SLC30A4: variants seen among roughly 807,000 people sequenced by gnomAD.
The protein encoded by SLC30A4 is solute carrier family 30 member 4.
SLC30A4 carries 20 observed loss-of-function variants against 41.7 expected under a neutral mutation model. The observed-to-expected ratio is 0.48, with a 90% CI of 0.34 to 0.70. SLC30A4 has a LOEUF of 0.70. SLC30A4 is among the 30% of genes least tolerant of loss of function. The pLI is 0.01. For synonymous variants in SLC30A4, 181 were observed against 195.9 expected, an observed-to-expected ratio of 0.92 and a Z score of 0.64; for missense variants, 441 against 529.3, an observed-to-expected ratio of 0.83 and a Z score of 1.64.
At chr15:45,495,004 T>C (rs1367222333) in intron 3 of SLC30A4, among the ~76,000 whole-genome samples, 2 of 151,958 alleles carry the variant, frequency 1.3e-5, no homozygotes, top group Admixed American at 6.6e-5. Context: ...CCCCCCAAAA[T>C]TGGCCAAGTG....
Position 45,493,210 on chromosome 15 carries a change from T to A in SLC30A4, c.539-2329A>T, listed in dbSNP as rs1446439165. Among the ~76,000 whole-genome samples the A allele has an allele frequency of 4.6e-5, 7 of 152,118 alleles. No homozygotes were observed. In the South Asian group the frequency reaches 1.5e-3, roughly 32 times the overall value. On this transcript the variant is annotated intron_variant, in intron 3 of 7. Coordinates refer to ENST00000261867, the MANE Select transcript of SLC30A4 (RefSeq NM_013309.6). ...TCGCTTGAACTCAGGAGGAGGAGGT[T>A]GCAGTGAGCCAAGATCACACCACTG...
rs555131739 is a variant in SLC30A4, at chr15:45,484,415, T to C, written c.*748A>G. The C allele has an allele frequency of 1.3e-5, 2 of 152,322 alleles. No individual in the cohort carries two copies. The highest frequency in any genetic ancestry group is 4.1e-4 in the South Asian group (2 of 4,826). The allele number at this position is 152,322 out of a possible 1,614,324, so 9.4% of individuals were successfully genotyped here. ...TAAATCATCATATAGTAATTTGAGT[T>C]TAAGACTAACTTCAGCCATTCAGAA... On this transcript the variant is annotated 3_prime_UTR_variant, in exon 8 of 8. Transcript: ENST00000261867.
At chr15:45,486,330 T>G (rs1481376002) in intron 7 of SLC30A4, among the ~76,000 whole-genome samples, 2 of 152,160 alleles carry the variant, frequency 1.3e-5, no homozygotes, top group Non-Finnish European at 2.9e-5. Flanking sequence ...TCAGGAAATA[T>G]TCTTAATACC....
At position 45,522,179 on chromosome 15, in the gene SLC30A4, T is replaced by A. The variant is rs764649654; in HGVS notation, c.176A>T (p.Glu59Val). ...CGGGTGCGCCCCGTTAACAGGCCTT[T>A]CCGGGGCTTCGGAACCGTCATCGGC... ...VVADDGSEAP[E>V]RPVNGAHPTL... is the part of the protein sequence containing the mutation. Residue 59 changes from glutamate to valine, a missense_variant, in exon 2 of 8, where the codon GAA becomes GTA. Glu to Val is a moderately radical substitution (Grantham distance 121, BLOSUM62 -2). Around this residue, in one of 3 missense-constraint regions of SLC30A4, gnomAD observed 312 missense variants for 341.9 expected, o/e 0.91. Coordinates refer to ENST00000261867, the MANE Select transcript of SLC30A4 (RefSeq NM_013309.6). The A allele has an allele frequency of 1.9e-6, 3 of 1,614,096 alleles. No individual in the cohort carries two copies. The East Asian group carries it at 6.7e-5, about 36-fold the overall frequency.
At chr15:45,499,717 G>A (rs1002913280) in intron 3 of SLC30A4, among the ~76,000 whole-genome samples, 1 of 152,074 alleles carries the variant, frequency 6.6e-6, no homozygotes, top group African/African-American at 2.4e-5. Flanking sequence ...TTACCTTCCA[G>A]AATAAGATAG....
At chr15:45,490,619 A>G (rs1050577319) in intron 4 of SLC30A4, 109 bp downstream of exon 4, 11 of 671,192 alleles carry the variant, frequency 1.6e-5, no homozygotes, top group Non-Finnish European at 2.2e-5. Context: ...TTAATGAGTT[A>G]TATCATTTTT....
Position 45,487,514 on chromosome 15 carries a change from A to G in SLC30A4, c.1000+13T>C. 8.5e-7 allele frequency: 1 copy of G among 1,183,178 alleles called. No homozygotes were observed. The highest frequency in any genetic ancestry group is 1.3e-6 in the Non-Finnish European group (1 of 789,614). The allele number at this position is 1,183,178 out of a possible 1,614,324, so 73.3% of individuals were successfully genotyped here. A position where few individuals can be genotyped will look rare whatever the true frequency, so the allele number is the denominator to read the frequency against. ...AGTAATAAACTCATAATGAGGATAT[A>G]GTGAGATCTTACCTTCTAGTATTAT... On this transcript the variant is annotated intron_variant, in intron 6 of 7. Transcript: ENST00000261867.
intron 3 of SLC30A4, among the ~76,000 whole-genome samples, chr15:45,504,406 A>C (rs1268494875): frequency 6.6e-6 from 1 of 152,244 alleles, no homozygotes; most frequent in African/African-American, 2.4e-5. Flanking sequence ...AGAGACGGAC[A>C]AGAACTCCTC....
At chr15:45,488,574 A>AAAAT (rs139550846) in intron 5 of SLC30A4, among the ~76,000 whole-genome samples, 7,050 of 151,826 alleles carry the variant, frequency 0.046, 552 homozygotes, top group African/African-American at 0.16. Flanking sequence ...CTCTGTCTCA[A>AAAAT]AAATAAATAA....
Position 45,510,872 on chromosome 15 carries a change from A to G in SLC30A4, c.538+266T>C, listed in dbSNP as rs191761875. 1.4e-3 allele frequency among the ~76,000 whole-genome samples: 210 copies of G among 152,368 alleles called. 5 individuals carry two copies. The highest frequency in any genetic ancestry group is 1.1e-3 in the Non-Finnish European group (75 of 68,046). ...TTGCTTTGTTCAATAAACTGAAAGT[A>G]AACTTTTTTCTGATGATATCTTCAG... On this transcript the variant is annotated intron_variant, in intron 3 of 7. Coordinates refer to ENST00000261867, the MANE Select transcript of SLC30A4 (RefSeq NM_013309.6).
intron 5 of SLC30A4, among the ~76,000 whole-genome samples, chr15:45,488,582 TAAATA>T (rs1255391397): frequency 1.3e-5 from 2 of 151,658 alleles, no homozygotes; most frequent in Non-Finnish European, 2.9e-5. Flanking sequence ...CAAAAATAAA[TAAATA>T]AATAAATAAA....
At chr15:45,516,904 G>A (rs1234699875) in intron 2 of SLC30A4, among the ~76,000 whole-genome samples, 5 of 151,948 alleles carry the variant, frequency 3.3e-5, no homozygotes, top group African/African-American at 7.3e-5. Flanking sequence ...GTGACAGAGC[G>A]AGACTCCATT....
At chr15:45,519,508 G>A (rs1566884156) in intron 2 of SLC30A4, 2 of 152,084 alleles carry the variant, frequency 1.3e-5, no homozygotes, top group Admixed American at 6.6e-5. Context: ...ATTTATAAGC[G>A]CTTTGGACAC....
chr15:45,500,691 A>AT (rs1260746813), intron 3 of SLC30A4, among the ~76,000 whole-genome samples: 3 of 149,488 alleles, frequency 2.0e-5, no homozygotes, highest in Non-Finnish European at 4.5e-5. Context: ...TTATTTTTTT[A>AT]TTTTTTTTGA....
Position 45,484,219 on chromosome 15 carries a change from C to T in SLC30A4, c.*944G>A, listed in dbSNP as rs1267804384. ...GACCTGGAGTGGAGGCAGGAACCAA[C>T]GTACCACATTTTTTGTACAAATTGT... On this transcript the variant is annotated 3_prime_UTR_variant, in exon 8 of 8. Transcript: ENST00000261867. 3 of 152,406 alleles carry T rather than the reference C, an allele frequency of 2.0e-5. No homozygotes were observed. Among genetic ancestry groups the T allele is most frequent in the Non-Finnish European group, 2.9e-5 (2 of 68,030 alleles). 9.4% of individuals were successfully genotyped at this position (152,406 alleles called of 1,614,324 possible). A position where few individuals can be genotyped will look rare whatever the true frequency, so the allele number is the denominator to read the frequency against.
chr15:45,516,536 A>C (rs1303680646), intron 2 of SLC30A4, among the ~76,000 whole-genome samples: 4 of 151,140 alleles, frequency 2.6e-5, no homozygotes, highest in Non-Finnish European at 5.9e-5. Flanking sequence ...AGTTTTCCTC[A>C]TATGTGTGAA....
intron 3 of SLC30A4, among the ~76,000 whole-genome samples, chr15:45,499,106 G>A (rs1041756539): frequency 9.9e-5 from 14 of 141,480 alleles, no homozygotes; most frequent in Non-Finnish European, 1.5e-4. Context: ...TTTTTGAGAC[G>A]GAGTCTCACT....
intron 3 of SLC30A4, among the ~76,000 whole-genome samples, chr15:45,492,724 A>G (rs1029450622): frequency 3.3e-5 from 5 of 152,110 alleles, no homozygotes; most frequent in Admixed American, 3.3e-4. Context: ...TGTATGATAC[A>G]TTACCATTTG....
intron 2 of SLC30A4, among the ~76,000 whole-genome samples, chr15:45,517,935 G>A (rs1892540263): frequency 6.6e-6 from 1 of 152,152 alleles, no homozygotes; most frequent in Admixed American, 6.5e-5. Flanking sequence ...GCGAAAGAGC[G>A]AGACTCCGTC....
Sources: gnomAD v4.1 joint callset for allele counts (sites outside exome capture counted in the v4.1 genomes callset) on GRCh38, gnomAD v4.1.1 for gene constraint, gnomAD v4.1.1 regional missense constraint, MANE v1.5 for transcripts, NCBI Gene and HGNC (gene_info 2026-07-23, HGNC 2026-07-21) for gene names.